The following EXOC6 variants were observed in gnomAD, a reference collection of about 807,000 sequenced individuals.
EXOC6 encodes exocyst complex component 6.
EXOC6 carries 60 observed loss-of-function variants against 112.5 expected under a neutral mutation model. The observed-to-expected ratio is 0.53, with a 90% CI of 0.43 to 0.66. The LOEUF (loss-of-function observed/expected upper bound fraction) is 0.66, where lower values mean the gene tolerates loss of function less well. EXOC6 is among the 30% of genes least tolerant of loss of function. The pLI, the probability that EXOC6 is intolerant of heterozygous loss-of-function variation, is 0.00. For missense variants in EXOC6, 855 were observed against 957.1 expected (o/e 0.89, Z 1.41); for synonymous variants, 295 against 308.0 (o/e 0.96, Z 0.44).
intron 19 of EXOC6, among the ~76,000 whole-genome samples, chr10:93,003,076 G>A (rs1190313504): frequency 6.6e-6 from 1 of 152,150 alleles, no homozygotes; most frequent in African/African-American, 2.4e-5. Context: ...TAAAATTTAA[G>A]CAATAAGAAG....
intron 1 of EXOC6, among the ~76,000 whole-genome samples, chr10:92,879,284 G>T (rs757588497): frequency 1.3e-5 from 2 of 152,160 alleles, no homozygotes; most frequent in Non-Finnish European, 2.9e-5. Context: ...CCTGGGCAAC[G>T]TAGGGAGACT....
chr10:92,853,660 G>A (rs1238354622), intron 1 of EXOC6, among the ~76,000 whole-genome samples: 1 of 152,154 alleles, frequency 6.6e-6, no homozygotes, highest in Non-Finnish European at 1.5e-5. Context: ...TTTAGTAATG[G>A]TGGTGGAAAA....
chr10:92,974,836 G>A (rs560706492), intron 18 of EXOC6, among the ~76,000 whole-genome samples: 2 of 152,190 alleles, frequency 1.3e-5, no homozygotes, highest in African/African-American at 4.8e-5. Context: ...CCGAGGTGCC[G>A]GGATTGCAGA....
At chr10:92,990,156 T>C (rs1350297749) in intron 18 of EXOC6, among the ~76,000 whole-genome samples, 1 of 152,190 alleles carries the variant, frequency 6.6e-6, no homozygotes, top group Non-Finnish European at 1.5e-5. Context: ...CTTAATGTTA[T>C]AAAACAGTTG....
chr10:92,979,896 CA>C (rs5787028), intron 18 of EXOC6, among the ~76,000 whole-genome samples: 39,476 of 84,768 alleles, frequency 0.47, 5,961 homozygotes, highest in East Asian at 0.65. Flanking sequence ...GACACTGTCT[CA>C]AAAAAAAAAA....
intron 19 of EXOC6, among the ~76,000 whole-genome samples, chr10:93,007,283 C>G (rs1387722981): frequency 1.2e-5 from 1 of 84,572 alleles, no homozygotes; most frequent in Non-Finnish European, 1.9e-5. Flanking sequence ...TTTTCCTACT[C>G]AAAAATTTTT....
chr10:92,910,566 T>C (rs1850687757), intron 6 of EXOC6, among the ~76,000 whole-genome samples: 1 of 152,104 alleles, frequency 6.6e-6, no homozygotes, highest in African/African-American at 2.4e-5. Context: ...ATCTTAGCTA[T>C]ACATTTCAAT....
chr10:92,945,261 A>G (rs1852923257), intron 13 of EXOC6, among the ~76,000 whole-genome samples: 1 of 152,014 alleles, frequency 6.6e-6, no homozygotes, highest in Non-Finnish European at 1.5e-5. Flanking sequence ...TGTATTTTGG[A>G]TACTAACTCC....
chr10:93,001,897 C>T (rs1163219083), intron 19 of EXOC6, among the ~76,000 whole-genome samples: 2 of 152,142 alleles, frequency 1.3e-5, no homozygotes, highest in Non-Finnish European at 2.9e-5. Flanking sequence ...GTTTTAGATC[C>T]AAAAATCTTC....
intron 4 of EXOC6, 96 bp from the exon 5 acceptor site, chr10:92,899,503 A>G: frequency 1.2e-6 from 1 of 803,540 alleles, no homozygotes; most frequent in Non-Finnish European, 2.0e-6. Context: ...AAGTCTAATG[A>G]ATTTGTAATA....
intron 20 of EXOC6, among the ~76,000 whole-genome samples, chr10:93,055,736 C>T (rs752925892): frequency 3.3e-5 from 5 of 151,876 alleles, no homozygotes; most frequent in Admixed American, 6.6e-5. Context: ...GTATCTTGTC[C>T]GAAAGAAAAT....
intron 18 of EXOC6, among the ~76,000 whole-genome samples, chr10:92,993,692 CAG>C (rs1168825950): frequency 2.0e-5 from 3 of 152,086 alleles, no homozygotes; most frequent in Non-Finnish European, 2.9e-5. Context: ...TCACAGGAAA[CAG>C]AGTGTCTTTA....
chr10:92,965,854 A>G (rs17108028), intron 17 of EXOC6, among the ~76,000 whole-genome samples: 1 of 152,166 alleles, frequency 6.6e-6, no homozygotes, highest in Non-Finnish European at 1.5e-5. Context: ...AAATAAGCAG[A>G]ATTCTTAGTC....
rs1450493644 is a variant in EXOC6 at position 92,974,127 on chromosome 10, T to A, written c.1848T>A (p.Ala616=). Residue 616 remains alanine (A), a synonymous_variant, in exon 18 of 22, where the codon GCT becomes GCA. Coordinates refer to ENST00000260762, the MANE Select transcript of EXOC6 (RefSeq NM_019053.6). ...NQKIDEFVQL[A]DYDWTMSEPD... ...AAATTGATGAATTTGTTCAGCTTGC[T>A]GATTATGACTGGACAATGTCTGAGC... is the stretch of plus-strand genomic sequence containing the variant. 1 of 1,603,884 alleles carries A rather than the reference T, an allele frequency of 6.2e-7. No individual in the cohort carries two copies. The highest frequency in any genetic ancestry group is 8.5e-7 in the Non-Finnish European group (1 of 1,177,770).
At chr10:92,845,986 G>T (rs1847040867), upstream of EXOC6, among the ~76,000 whole-genome samples, 2 of 152,310 alleles carry the variant, frequency 1.3e-5, no homozygotes, top group South Asian at 4.1e-4. Flanking sequence ...TAGTTATTTA[G>T]GACATTTAGC....
chr10:93,041,322 C>G (rs1845764532), intron 20 of EXOC6, among the ~76,000 whole-genome samples: 1 of 152,130 alleles, frequency 6.6e-6, no homozygotes, highest in Non-Finnish European at 1.5e-5. Flanking sequence ...ATTATTTTTT[C>G]TGCCTTAAGT....
At chr10:92,935,638 G>A (rs1005911272) in intron 11 of EXOC6, among the ~76,000 whole-genome samples, 176 bp from the exon 12 acceptor site, 4 of 151,892 alleles carry the variant, frequency 2.6e-5, no homozygotes, top group Admixed American at 6.6e-5. Context: ...CCCTCTAAAC[G>A]TTTATACTGA....
At chr10:92,975,882 C>T (rs1159036088) in intron 18 of EXOC6, among the ~76,000 whole-genome samples, 1 of 139,932 alleles carries the variant, frequency 7.1e-6, no homozygotes, top group Non-Finnish European at 1.6e-5. Context: ...GTGAGGAGCC[C>T]CTCTGCCTGG....
At chr10:93,026,337 T>C (rs879916709) in intron 20 of EXOC6, among the ~76,000 whole-genome samples, 1 of 152,226 alleles carries the variant, frequency 6.6e-6, no homozygotes, top group Non-Finnish European at 1.5e-5. Context: ...TGCTAGTTTA[T>C]ACTTCAGCCA....
Sources: allele counts gnomAD v4.1 joint callset (sites outside exome capture counted in the v4.1 genomes callset), GRCh38; gene constraint gnomAD v4.1.1; transcripts MANE v1.5; gene names NCBI Gene and HGNC (gene_info 2026-07-23, HGNC 2026-07-21).